Variants in POLI observed in about 807,000 individuals in gnomAD.
The protein encoded by POLI is DNA polymerase iota, also known as RAD30 homolog B.
A neutral mutation model predicts 51.6 loss-of-function variants in POLI; 58 were observed. The ratio of observed to expected loss-of-function variants is 1.12; its 90% CI spans 0.91 to 1.40. POLI has a LOEUF of 1.40. POLI is among the 40% of genes most tolerant of loss of function. POLI has a pLI of 0.00. For missense variants in POLI, 921 were observed against 871.3 expected (o/e 1.06, Z -0.72); for synonymous variants, 322 against 299.7 (o/e 1.07, Z -0.77).
At chr18:54,286,963 G>T (rs533451535) in intron 7 of POLI, among the ~76,000 whole-genome samples, 2 of 152,004 alleles carry the variant, frequency 1.3e-5, no homozygotes, top group South Asian at 4.1e-4. Flanking sequence ...AAAATTGGTT[G>T]CTTTTAGTTT....
At position 54,298,129 on chromosome 18, in the gene POLI, T is replaced by G; in HGVS notation, c.*3662T>G. Reference sequence around the variant, plus strand: ...TTTCAATATTAAAAAAACTTCTATTTTAAAATCTGTATATAGAAAGGTACA... The same window carrying G: ...TTTCAATATTAAAAAAACTTCTATTGTAAAATCTGTATATAGAAAGGTACA... On this transcript the variant is annotated 3_prime_UTR_variant, in exon 10 of 10. Coordinates refer to ENST00000579534, the MANE Select transcript of POLI (RefSeq NM_007195.3). 1 of 851,246 alleles carries G rather than the reference T, an allele frequency of 1.2e-6. No individual in the cohort carries two copies. Among genetic ancestry groups the G allele is most frequent in the Non-Finnish European group, 1.4e-6 (1 of 707,520 alleles). The allele number at this position is 851,246 out of a possible 1,614,324, so 52.7% of individuals were successfully genotyped here.
At chr18:54,307,653 C>T (rs2088609629) in intron 3 of POLI, among the ~76,000 whole-genome samples, 1 of 152,282 alleles carries the variant, frequency 6.6e-6, no homozygotes, top group African/African-American at 2.4e-5. Flanking sequence ...AACCTTCTGT[C>T]TCGTTGATCT....
intron 3 of POLI, 83 bp downstream of exon 3, chr18:54,274,173 A>G: frequency 1.5e-6 from 1 of 645,870 alleles, no homozygotes; most frequent in Non-Finnish European, 2.3e-6. Context: ...AATAAATGTA[A>G]AATAACATAA....
chr18:54,274,796 A>T (rs924362288), intron 3 of POLI: 4 of 152,162 alleles, frequency 2.6e-5, no homozygotes, highest in African/African-American at 7.2e-5. Context: ...CAGCTTTGCA[A>T]TTATTTGTCT....
downstream of POLI, among the ~76,000 whole-genome samples, chr18:54,299,325 C>T (rs2088449441): frequency 6.6e-6 from 1 of 152,140 alleles, no homozygotes; most frequent in Non-Finnish European, 1.5e-5. Context: ...GTCCCACCTA[C>T]TGGGGAGGCT....
chr18:54,294,111 T>C lies in POLI; in HGVS notation c.1867T>C (p.Tyr623His), dbSNP rs764946326. ...SYMSSQKDYS[Y>H]YLDNRLKDER... ...CATGTCTAGCCAAAAGGATTATTCA[T>C]ATTATTTAGATAATAGATTAAAAGA... Residue 623 changes from tyrosine to histidine, a missense_variant, in exon 10 of 10, where the codon TAT becomes CAT. Transcript: ENST00000579534. The C allele has an allele frequency of 1.9e-5, 31 of 1,608,480 alleles. No individual in the cohort carries two copies. The Middle Eastern group carries it at 6.6e-4, about 34-fold the overall frequency.
At chr18:54,309,676 G>C (rs564371868) in intron 3 of POLI, among the ~76,000 whole-genome samples, 1 of 152,202 alleles carries the variant, frequency 6.6e-6, no homozygotes, top group Non-Finnish European at 1.5e-5. Context: ...GCTATGCCCT[G>C]CCCTCAGAGA....
chr18:54,304,228 C>T lies in POLI; in HGVS notation c.334-16045C>T, dbSNP rs192299659. On this transcript the variant is annotated intron_variant, in intron 3 of 4. Coordinates refer to the POLI transcript ENST00000579823. ...TAGTGACACAATAAACATACATGTG[C>T]GTGTGTCTTTATAGTAGCATGATGT... 1.3e-3 allele frequency among the ~76,000 whole-genome samples: 195 copies of T among 152,224 alleles called. 1 individual carries two copies. Among genetic ancestry groups the T allele is most frequent in the Non-Finnish European group, 2.3e-3 (159 of 68,020 alleles).
Position 54,280,836 on chromosome 18 carries a change from A to C in POLI, c.729A>C (p.Gln243His). Residue 243 changes from glutamine (Q) to histidine (H), a missense_variant, in exon 5 of 10, where the codon CAA becomes CAC. By Grantham distance (24) the Gln-to-His change is conservative (BLOSUM62 0). Coordinates refer to ENST00000579534, the MANE Select transcript of POLI (RefSeq NM_007195.3). ...CTGGTGTCTTTAAACCAAATCAACA[A>C]ACAGTCTTATTACCTGAAAGTTGTC... ...LVSGVFKPNQ[Q>H]TVLLPESCQH... 1 of 1,613,752 alleles carries C rather than the reference A, an allele frequency of 6.2e-7. No homozygotes were observed. Among genetic ancestry groups the C allele is most frequent in the Non-Finnish European group, 8.5e-7 (1 of 1,179,694 alleles).
chr18:54,319,618 C>T (rs1365174489), intron 3 of POLI, among the ~76,000 whole-genome samples: 1 of 152,042 alleles, frequency 6.6e-6, no homozygotes, highest in Non-Finnish European at 1.5e-5. Flanking sequence ...ACCAGTATTA[C>T]TTACCTTTAA....
intron 3 of POLI, among the ~76,000 whole-genome samples, chr18:54,307,625 G>T (rs970484068): frequency 3.3e-5 from 5 of 152,156 alleles, no homozygotes; most frequent in Admixed American, 6.5e-5. Context: ...TTGAGTTCAA[G>T]TCCTGGATAT....
intron 3 of POLI, among the ~76,000 whole-genome samples, chr18:54,276,128 C>T (rs1359017168): frequency 1.3e-5 from 2 of 151,814 alleles, no homozygotes; most frequent in Non-Finnish European, 2.9e-5. Flanking sequence ...CCTGTAATCC[C>T]AACACTTTGG....
intron 1 of POLI, 78 bp from the exon 2 acceptor site, chr18:54,271,282 C>T: frequency 8.0e-7 from 1 of 1,244,694 alleles, no homozygotes; most frequent in Non-Finnish European, 1.1e-6. Flanking sequence ...TCACAGGTAC[C>T]ATGTTTTAAG....
chr18:54,272,985 T>G (rs1212517321), intron 2 of POLI, among the ~76,000 whole-genome samples: 4 of 151,854 alleles, frequency 2.6e-5, no homozygotes, highest in Non-Finnish European at 2.9e-5. Context: ...TATCAAAATT[T>G]TAGAAACAAT....
chr18:54,293,778 G>T lies in POLI; in HGVS notation c.1534G>T (p.Glu512Ter). The change falls in exon 10 of 10, where the codon GAA (glutamate) becomes TAA (stop). Residue 512 changes from glutamate (E) to a stop codon, truncating the protein, a stop_gained. Coordinates refer to ENST00000579534, the MANE Select transcript of POLI (RefSeq NM_007195.3). LOFTEE classifies it low-confidence loss of function (END_TRUNC). ...SPLDTTNFSK[E>*]KDINEFPLCS... is the part of the protein sequence containing the mutation. ...ACTAGATACCACAAATTTTTCTAAA[G>T]AAAAAGACATTAATGAATTCCCACT... The T allele has an allele frequency of 6.2e-7, 1 of 1,605,690 alleles. No homozygotes were observed.
downstream of POLI, among the ~76,000 whole-genome samples, chr18:54,298,537 C>T (rs1467144648): frequency 6.6e-6 from 1 of 150,610 alleles, no homozygotes; most frequent in African/African-American, 2.4e-5. Flanking sequence ...GTTTTAGGAG[C>T]TTGGTGTCCA....
In POLI at chr18:54,294,915, A is replaced by G. The variant is rs1046840938; in HGVS notation, c.*448A>G. 78 of 979,038 alleles carry G rather than the reference A, an allele frequency of 8.0e-5. No individual in the cohort carries two copies. Among genetic ancestry groups the G allele is most frequent in the East Asian group, 1.1e-4 (1 of 8,796 alleles). 60.6% of individuals were successfully genotyped at this position (979,038 alleles called of 1,614,324 possible). ...GCCAACTAACCTATTAAAAATATAG[A>G]TAGTTTTGACTAAAGTACTACATTA... On this transcript the variant is annotated 3_prime_UTR_variant, in exon 10 of 10. Transcript: ENST00000579534.
At chr18:54,276,212 T>TA (rs572325782) in intron 3 of POLI, among the ~76,000 whole-genome samples, 3,659 of 142,948 alleles carry the variant, frequency 0.026, 63 homozygotes, top group Middle Eastern at 0.068. Context: ...CTACAAAAGT[T>TA]AAAAAAAAAA....
chr18:54,287,309 A>G lies in POLI; in HGVS notation c.1096A>G (p.Thr366Ala). 6.3e-7 allele frequency: 1 copy of G among 1,584,312 alleles called. No homozygotes were observed. The highest frequency in any genetic ancestry group is 8.6e-7 in the Non-Finnish European group (1 of 1,160,580). ...RVCQDGRKPH[T>A]VRLIIRRYSS... ...ATGCCAAGATGGAAGGAAGCCTCAT[A>G]CAGTGAGATTAATAATCCGTCGGTA... Residue 366 changes from threonine to alanine, a missense_variant, in exon 8 of 10, where the codon ACA becomes GCA. Thr to Ala is a moderately conservative substitution (Grantham distance 58, BLOSUM62 0). Transcript: ENST00000579534.
Sources: allele counts gnomAD v4.1 joint callset (sites outside exome capture counted in the v4.1 genomes callset), GRCh38; gene constraint gnomAD v4.1.1; transcripts MANE v1.5; gene names NCBI Gene and HGNC (gene_info 2026-07-23, HGNC 2026-07-21).